The following UNC5CL variants were observed in gnomAD, a reference collection of about 807,000 sequenced individuals.
UNC5CL encodes the protein unc-5 family C-terminal like, also known as UNC5C-like protein.
Under a neutral mutation model 54.1 loss-of-function variants are expected in UNC5CL, and 42 were observed. That is an observed-to-expected ratio of 0.78 (90% confidence interval 0.61 to 1.00). The LOEUF (loss-of-function observed/expected upper bound fraction) is 1.00. Ranked by LOEUF, UNC5CL falls within the 50% of genes least tolerant of loss-of-function variation. The pLI, the probability that UNC5CL is intolerant of heterozygous loss-of-function variation, is 0.00. For missense variants in UNC5CL, 619 were observed against 675.6 expected (o/e 0.92, Z 0.93); for synonymous variants, 285 against 285.1 (o/e 1.00, Z 0.00).
At chr6:41,039,097 C>T (rs1762553469) in intron 1 of UNC5CL, 65 bp downstream of exon 1, 1 of 152,440 alleles carries the variant, frequency 6.6e-6, no homozygotes, top group African/African-American at 2.4e-5. Context: ...TCCCCCGAAG[C>T]TCCAGGTAAC....
chr6:41,028,433 T>C lies in UNC5CL; in HGVS notation c.1497A>G (p.Pro499=), dbSNP rs1359640315. The change falls in exon 9 of 9, where the codon CCA becomes CCG. Residue 499 remains proline, a synonymous_variant. Transcript: ENST00000244565. This position sits in a 1 kb window ranked among gnomAD's most constrained non-coding sequence, Gnocchi z 4.3. The part of the protein sequence containing the change: ...NYLSGTHGGS[P]GPERGGARDN... ...CCCGGGCGCCCCCGCGCTCGGGGCC[T>C]GGGCTGCCGCCGTGTGTCCCACTCA... is the stretch of plus-strand genomic sequence containing the variant. 1 of 1,612,634 alleles carries C rather than the reference T, an allele frequency of 6.2e-7. No homozygotes were observed. The highest frequency in any genetic ancestry group is 8.5e-7 in the Non-Finnish European group (1 of 1,179,678).
intron 3 of UNC5CL, 77 bp downstream of exon 3, chr6:41,033,804 C>T (rs1762483804): frequency 1.3e-6 from 2 of 1,487,750 alleles, no homozygotes; most frequent in East Asian, 4.5e-5. Context: ...GAAGATAAGG[C>T]AGACAGAGAA....
chr6:41,032,897 C>A lies in UNC5CL; in HGVS notation c.936G>T (p.Thr312=). 1.2e-6 allele frequency: 2 copies of A among 1,602,708 alleles called. No individual in the cohort carries two copies. The change falls in exon 4 of 9, where the codon ACG becomes ACT. Residue 312 remains threonine, a synonymous_variant. Transcript: ENST00000244565. Reference sequence around the variant, plus strand: ...TGCCTCCCTCACCCTCTGAGATGTACGTGAGCTTCAGGCACTGGTCGCCCC... The same window carrying A: ...TGCCTCCCTCACCCTCTGAGATGTAAGTGAGCTTCAGGCACTGGTCGCCCC... ...GARGDQCLKL[T]YISEGWENVD...
Position 41,028,689 on chromosome 6 carries a change from G to T in UNC5CL, c.1335-94C>A. 1.7e-6 allele frequency: 2 copies of T among 1,202,902 alleles called. No homozygotes were observed. Among genetic ancestry groups the T allele is most frequent in the Non-Finnish European group, 2.3e-6 (2 of 857,692 alleles). The allele number at this position is 1,202,902 out of a possible 1,614,324, so 74.5% of individuals were successfully genotyped here. On this transcript the variant is annotated intron_variant, in intron 8 of 8. Transcript: ENST00000244565. This position sits in a 1 kb window ranked among gnomAD's most constrained non-coding sequence, Gnocchi z 4.3. ...CCCTGGGCTGCGCAGCGCAAGGTCC[G>T]TCCCTTCCCCATCCTGTAGCTTTTG... is the stretch of plus-strand genomic sequence containing the variant.
At chr6:41,035,854 G>T (rs1581978573) in intron 1 of UNC5CL, among the ~76,000 whole-genome samples, 1 of 152,220 alleles carries the variant, frequency 6.6e-6, no homozygotes, top group East Asian at 1.9e-4. Flanking sequence ...ATCTGGCCTG[G>T]AATCAAATCC....
At position 41,034,702 on chromosome 6, in the gene UNC5CL, G is replaced by A; in HGVS notation, c.373C>T (p.Leu125Phe). The A allele has an allele frequency of 6.2e-7, 1 of 1,602,714 alleles. No homozygotes were observed. Among genetic ancestry groups the A allele is most frequent in the Non-Finnish European group, 8.5e-7 (1 of 1,179,548 alleles). ...LMLQDTGISLLIPPGAVAVGR... is the reference protein window; with the variant it reads ...LMLQDTGISLFIPPGAVAVGR... ...CAGGAGCTGTTACCTGGTGGGATGA[G>A]CAAGGAGATGCCTGTATCCTGGAGC... The change falls in exon 2 of 9, where the codon CTC (leucine) becomes TTC (phenylalanine). Residue 125 changes from leucine to phenylalanine, a missense_variant. By Grantham distance (22) the Leu-to-Phe change is conservative. Transcript: ENST00000244565.
At chr6:41,031,968 GGAGGGAAGGA>G in intron 5 of UNC5CL, 58 bp downstream of exon 5, 1 of 1,520,110 alleles carries the variant, frequency 6.6e-7, no homozygotes. Flanking sequence ...AGGGTTACTG[GGAGGGAAGGA>G]GAGGAGACAG....
In UNC5CL at chr6:41,028,119, G is replaced by A. The variant is rs1025091416; in HGVS notation, c.*254C>T. On this transcript the variant is annotated 3_prime_UTR_variant, in exon 9 of 9. Transcript: ENST00000244565. This position sits in a 1 kb window ranked among gnomAD's most constrained non-coding sequence, Gnocchi z 4.3. ...CGTCCCCTGGTCAGTTTGGCAGGCT[G>A]GCCACGCTGAGGCCATCTCCTGGGC... 12 of 526,858 alleles carry A rather than the reference G, an allele frequency of 2.3e-5. No homozygotes were observed. The African/African-American group carries it at 2.4e-4, about 11-fold the overall frequency. The allele number at this position is 526,858 out of a possible 1,614,324, so 32.6% of individuals were successfully genotyped here. A position where few individuals can be genotyped will look rare whatever the true frequency, so the allele number is the denominator to read the frequency against.
chr6:41,031,439 GT>G (rs1466623582), intron 6 of UNC5CL, among the ~76,000 whole-genome samples: 6 of 152,224 alleles, frequency 3.9e-5, no homozygotes, highest in African/African-American at 1.4e-4. Flanking sequence ...TTAAACTAGG[GT>G]TTGGTTCTTT....
Position 41,028,361 on chromosome 6 carries a change from C to T in UNC5CL, c.*12G>A. 1.3e-6 allele frequency: 2 copies of T among 1,558,580 alleles called. No individual in the cohort carries two copies. Among genetic ancestry groups the T allele is most frequent in the South Asian group, 2.3e-5 (2 of 86,302 alleles). ...CGCCCCTACACCTCCTCCGGCCCTGCCCGCTGGGCGCTCAGAGCTTCTCGT... is the reference window on the plus strand; with the variant it reads ...CGCCCCTACACCTCCTCCGGCCCTGTCCGCTGGGCGCTCAGAGCTTCTCGT... On this transcript the variant is annotated 3_prime_UTR_variant, in exon 9 of 9. Transcript: ENST00000244565. This position sits in a 1 kb window ranked among gnomAD's most constrained non-coding sequence, Gnocchi z 4.3.
intron 1 of UNC5CL, among the ~76,000 whole-genome samples, chr6:41,038,703 G>A (rs1004412040): frequency 6.6e-6 from 1 of 152,168 alleles, no homozygotes; most frequent in Non-Finnish European, 1.5e-5. Context: ...CCTGGGTAGC[G>A]GGTCCCCGAA....
At position 41,028,549 on chromosome 6, in the gene UNC5CL, A is replaced by T; in HGVS notation, c.1381T>A (p.Phe461Ile). The T allele has an allele frequency of 6.2e-7, 1 of 1,613,716 alleles. No homozygotes were observed. ...TGCAGGCTGCCGTTCTGCTCCTCAA[A>T]CAACTCCAGGATGGCCGCTGCGGGG... is the stretch of plus-strand genomic sequence containing the variant. ...RSPAAAILELFEEQNGSLQEL... is the reference protein window; with the variant it reads ...RSPAAAILELIEEQNGSLQEL... The change falls in exon 9 of 9, where the codon TTT (phenylalanine) becomes ATT (isoleucine). Residue 461 changes from phenylalanine (F) to isoleucine (I), a missense_variant. Coordinates refer to ENST00000244565, the MANE Select transcript of UNC5CL (RefSeq NM_173561.3). This position sits in a 1 kb window ranked among gnomAD's most constrained non-coding sequence, Gnocchi z 4.3.
Position 41,028,013 on chromosome 6 carries a change from A to G in UNC5CL, c.*360T>C, listed in dbSNP as rs975848349. Reference sequence around the variant, plus strand: ...ATATTCCAGTATTCTTCATGACACCAGCCCAATGCCCGGTCTTCCTAAGTG... The same window carrying G: ...ATATTCCAGTATTCTTCATGACACCGGCCCAATGCCCGGTCTTCCTAAGTG... On this transcript the variant is annotated 3_prime_UTR_variant, in exon 9 of 9. Coordinates refer to ENST00000244565, the MANE Select transcript of UNC5CL (RefSeq NM_173561.3). This position sits in a 1 kb window ranked among gnomAD's most constrained non-coding sequence, Gnocchi z 4.3. 1.7e-4 allele frequency: 41 copies of G among 247,492 alleles called. No individual in the cohort carries two copies. Among genetic ancestry groups the G allele is most frequent in the African/African-American group, 9.1e-4 (40 of 43,842 alleles). The allele number at this position is 247,492 out of a possible 1,614,324, so 15.3% of individuals were successfully genotyped here.
At chr6:41,038,851 C>T (rs1181228185) in intron 1 of UNC5CL, among the ~76,000 whole-genome samples, 1 of 152,238 alleles carries the variant, frequency 6.6e-6, no homozygotes, top group East Asian at 1.9e-4. Flanking sequence ...CTCACTGGTT[C>T]TCCCTGTGCC....
In UNC5CL at chr6:41,034,057, C is replaced by A; in HGVS notation, c.510G>T (p.Gly170=). Residue 170 remains glycine, a synonymous_variant, in exon 3 of 9, where the codon GGG becomes GGT. Transcript: ENST00000244565. ...GAGTGCAAGGCTTCAGGAAGGAGGC[C>A]CCATGGGGGCCACATGCCACCACAG... The part of the protein sequence containing the change: ...VSPVVACGPH[G]ASFLKPCTLT... The A allele has an allele frequency of 6.2e-7, 1 of 1,614,148 alleles. No individual in the cohort carries two copies. Among genetic ancestry groups the A allele is most frequent in the Non-Finnish European group, 8.5e-7 (1 of 1,180,008 alleles).
At chr6:41,038,740 C>T (rs989680457) in intron 1 of UNC5CL, among the ~76,000 whole-genome samples, 7 of 152,176 alleles carry the variant, frequency 4.6e-5, no homozygotes, top group African/African-American at 1.2e-4. Flanking sequence ...ATGCTGCCAT[C>T]ACCTGTCCCT....
At position 41,034,034 on chromosome 6, in the gene UNC5CL, G is replaced by A. The variant is rs1000988142; in HGVS notation, c.533C>T (p.Thr178Ile). Residue 178 changes from threonine (T) to isoleucine (I), a missense_variant, in exon 3 of 9, where the codon ACT becomes ATT. Thr to Ile is a moderately conservative substitution (Grantham distance 89, BLOSUM62 -1). Transcript: ENST00000244565. ...PHGASFLKPC[T>I]LTFKHCAEQP... ...CTCGGCACAGTGTTTGAACGTGAGA[G>A]TGCAAGGCTTCAGGAAGGAGGCCCC... 1 of 1,614,218 alleles carries A rather than the reference G, an allele frequency of 6.2e-7. No individual in the cohort carries two copies. The highest frequency in any genetic ancestry group is 8.5e-7 in the Non-Finnish European group (1 of 1,180,028).
In UNC5CL at chr6:41,033,727, GAC is replaced by G. The variant is rs1004020407; in HGVS notation, c.686+152_686+153del. 5 of 818,900 alleles carry G rather than the reference GAC, an allele frequency of 6.1e-6. No individual in the cohort carries two copies. The African/African-American group carries it at 8.6e-5, about 14-fold the overall frequency. 50.7% of individuals were successfully genotyped at this position (818,900 alleles called of 1,614,324 possible). A position where few individuals can be genotyped will look rare whatever the true frequency, so the allele number is the denominator to read the frequency against. ...TGAGAAAAACTGCTACAAACATTAG[GAC>G]AGAGGGGCCAGAAAGAGACACCAGG... On this transcript the variant is annotated intron_variant, in intron 3 of 8. Transcript: ENST00000244565.
rs769359788 is a variant in UNC5CL, at chr6:41,032,019, C to A, written c.1051+17G>T. On this transcript the variant is annotated intron_variant, in intron 5 of 8. Transcript: ENST00000244565. ...GAAAAGAGAGGGGAGGAGGTACACA[C>A]AGGGCTCCCGGACTACCTGCTTTTC... is the stretch of plus-strand genomic sequence containing the variant. The A allele has an allele frequency of 6.2e-7, 1 of 1,612,366 alleles. No individual in the cohort carries two copies. Among genetic ancestry groups the A allele is most frequent in the South Asian group, 1.1e-5 (1 of 91,048 alleles).
Sources: allele counts gnomAD v4.1 joint callset (sites outside exome capture counted in the v4.1 genomes callset), GRCh38; gene constraint gnomAD v4.1.1; non-coding constraint Gnocchi (gnomAD v3.1); transcripts MANE v1.5; gene names NCBI Gene and HGNC (gene_info 2026-07-23, HGNC 2026-07-21).